Variants in ADAM32 observed in about 807,000 individuals in gnomAD.
ADAM32 encodes ADAM metallopeptidase domain 32, also known as disintegrin and metalloproteinase domain-containing protein 32.
A neutral mutation model predicts 114.9 loss-of-function variants in ADAM32; 89 were observed. The ratio of observed to expected loss-of-function variants is 0.77; its 90% CI spans 0.65 to 0.92. The LOEUF (loss-of-function observed/expected upper bound fraction) is 0.92. Ranked by LOEUF, ADAM32 falls within the 40% of genes least tolerant of loss-of-function variation. ADAM32 has a pLI of 0.00. For synonymous variants in ADAM32, 285 were observed against 307.5 expected (o/e 0.93, Z 0.77); for missense variants, 870 against 932.8 (o/e 0.93, Z 0.88).
intron 17 of ADAM32, among the ~76,000 whole-genome samples, chr8:39,251,379 A>C (rs1000717022): frequency 1.9e-4 from 15 of 79,558 alleles, no homozygotes; most frequent in South Asian, 3.7e-4. Flanking sequence ...TTTTTGTTAC[A>C]AAAAAAAAAT....
At chr8:39,159,958 T>C (rs186400402) in intron 6 of ADAM32, among the ~76,000 whole-genome samples, 1 of 152,310 alleles carries the variant, frequency 6.6e-6, no homozygotes, top group Non-Finnish European at 1.5e-5. Context: ...AGCAGCTTTT[T>C]TCCCCCCTCA....
intron 11 of ADAM32, among the ~76,000 whole-genome samples, chr8:39,204,000 C>T (rs528435754): frequency 1.2e-4 from 18 of 152,258 alleles, no homozygotes; most frequent in East Asian, 3.9e-4. Flanking sequence ...CTGAGAGATC[C>T]GCTGTTAGTC....
At chr8:39,170,219 T>C (rs554348194) in intron 10 of ADAM32, among the ~76,000 whole-genome samples, 1 of 152,278 alleles carries the variant, frequency 6.6e-6, no homozygotes, top group East Asian at 1.9e-4. Flanking sequence ...ATATCATAAA[T>C]ACGCATGCTG....
intron 10 of ADAM32, among the ~76,000 whole-genome samples, chr8:39,179,981 G>A (rs933905077): frequency 1.3e-5 from 2 of 152,218 alleles, no homozygotes; most frequent in East Asian, 1.9e-4. Context: ...GCTTGCTCTC[G>A]GTGCCTCCTC....
At chr8:39,242,683 A>T (rs1464265476) in intron 16 of ADAM32, among the ~76,000 whole-genome samples, 3 of 152,186 alleles carry the variant, frequency 2.0e-5, no homozygotes, top group African/African-American at 7.2e-5. Flanking sequence ...TTCAGAATGA[A>T]ATTTGGCTGG....
At chr8:39,191,198 G>A (rs1370593480) in intron 11 of ADAM32, among the ~76,000 whole-genome samples, 1 of 152,200 alleles carries the variant, frequency 6.6e-6, no homozygotes, top group East Asian at 1.9e-4. Context: ...GTTGTGAATA[G>A]TGCTGCAATG....
In ADAM32 at chr8:39,284,893, TA is replaced by T; in HGVS notation, c.*97del. On this transcript the variant is annotated 3_prime_UTR_variant, in exon 25 of 25. Transcript: ENST00000379907. ...CCGTGGTCACAGCTGAAAGAAACAA[TA>T]AATTGAGTGTGGATCAATTTGCATG... is the stretch of plus-strand genomic sequence containing the variant. The T allele has an allele frequency of 2.0e-6, 3 of 1,503,938 alleles. No homozygotes were observed. Among genetic ancestry groups the T allele is most frequent in the East Asian group, 4.6e-5 (2 of 43,894 alleles). The allele number at this position is 1,503,938 out of a possible 1,614,324, so 93.2% of individuals were successfully genotyped here. A position where few individuals can be genotyped will look rare whatever the true frequency, so the allele number is the denominator to read the frequency against.
At position 39,142,069 on chromosome 8, in the gene ADAM32, T is replaced by C. The variant is rs572495485; in HGVS notation, c.201-5061T>C. Among the ~76,000 whole-genome samples the C allele has an allele frequency of 8.4e-4, 128 of 152,326 alleles. 1 individual carries two copies. The highest frequency in any genetic ancestry group is 3.0e-3 in the African/African-American group (124 of 41,570). The stretch of plus-strand genomic sequence containing the variant: ...CTTGGTAGATCTTCCTCCATCCCTT[T>C]ATTTTGAGCCTATGTGCATTTTTAA... On this transcript the variant is annotated intron_variant, in intron 3 of 24. Transcript: ENST00000379907.
At position 39,233,882 on chromosome 8, in the gene ADAM32, AT is replaced by A; in HGVS notation, c.1635-11del. ...TTCCTAATGTATAATAATCATATAT[AT>A]TTTTTATGTTTTCAGGAATCTTATA... is the stretch of plus-strand genomic sequence containing the variant. On this transcript the variant is annotated splice_polypyrimidine_tract_variant and intron_variant, in intron 15 of 24. Transcript: ENST00000379907. 1 of 1,411,594 alleles carries A rather than the reference AT, an allele frequency of 7.1e-7. No homozygotes were observed. Among genetic ancestry groups the A allele is most frequent in the Non-Finnish European group, 9.4e-7 (1 of 1,066,602 alleles). 87.4% of individuals were successfully genotyped at this position (1,411,594 alleles called of 1,614,324 possible).
At chr8:39,212,793 T>G (rs369757497) in intron 12 of ADAM32, among the ~76,000 whole-genome samples, 1 of 152,204 alleles carries the variant, frequency 6.6e-6, no homozygotes, top group African/African-American at 2.4e-5. Flanking sequence ...GGTCATATGA[T>G]ATGTGTATGT....
intron 11 of ADAM32, among the ~76,000 whole-genome samples, chr8:39,198,924 T>C (rs1439337221): frequency 6.6e-6 from 1 of 152,200 alleles, no homozygotes; most frequent in Non-Finnish European, 1.5e-5. Context: ...TTTGTTTTTT[T>C]CTTGTCTGAA....
intron 22 of ADAM32, among the ~76,000 whole-genome samples, chr8:39,280,921 T>C (rs1381013135): frequency 3.9e-5 from 6 of 151,948 alleles, no homozygotes; most frequent in Non-Finnish European, 7.4e-5. Flanking sequence ...TAGCTGGGAC[T>C]ACAGGCGCCC....
chr8:39,237,505 C>T (rs1412634729), intron 16 of ADAM32, among the ~76,000 whole-genome samples: 3 of 152,030 alleles, frequency 2.0e-5, no homozygotes, highest in Admixed American at 6.5e-5. Flanking sequence ...GCACCAGAGG[C>T]CTGGATATAC....
chr8:39,216,300 G>A (rs1808562518), intron 12 of ADAM32, among the ~76,000 whole-genome samples: 1 of 151,934 alleles, frequency 6.6e-6, no homozygotes, highest in Non-Finnish European at 1.5e-5. Flanking sequence ...TATAGGTGAA[G>A]TGTATTTATT....
chr8:39,179,192 G>T (rs1805699383), intron 10 of ADAM32, among the ~76,000 whole-genome samples: 1 of 152,074 alleles, frequency 6.6e-6, no homozygotes, highest in Admixed American at 6.6e-5. Flanking sequence ...CCCAGAGAGA[G>T]ATCAGAGTTC....
chr8:39,284,811 G>T lies in ADAM32; in HGVS notation c.*12G>T. On this transcript the variant is annotated 3_prime_UTR_variant, in exon 25 of 25. Transcript: ENST00000379907. Reference sequence around the variant, plus strand: ...TCCACAGTAACTAGTGATTCCTTCAGAAGGCAACGGATAACATCGAGAGTC... The same window carrying T: ...TCCACAGTAACTAGTGATTCCTTCATAAGGCAACGGATAACATCGAGAGTC... 6.2e-7 allele frequency: 1 copy of T among 1,613,660 alleles called. No individual in the cohort carries two copies. The highest frequency in any genetic ancestry group is 1.3e-5 in the African/African-American group (1 of 75,020).
At chr8:39,198,744 TTTTTTCTCTTCTCCTTTTC>T (rs201474244) in intron 11 of ADAM32, among the ~76,000 whole-genome samples, 2 of 152,192 alleles carry the variant, frequency 1.3e-5, no homozygotes, top group Non-Finnish European at 2.9e-5. Flanking sequence ...TTAACATTTT[TTTTTTCTCTTCTCCTTTTC>T]TTTTCTCTTC....
At chr8:39,150,599 A>G (rs1003493666) in intron 5 of ADAM32, among the ~76,000 whole-genome samples, 1 of 152,128 alleles carries the variant, frequency 6.6e-6, no homozygotes, top group Non-Finnish European at 1.5e-5. Flanking sequence ...GGAGTTTTCC[A>G]TTCTGTCAGG....
chr8:39,246,955 T>G (rs934488401), intron 17 of ADAM32, among the ~76,000 whole-genome samples: 1 of 152,200 alleles, frequency 6.6e-6, no homozygotes, highest in Non-Finnish European at 1.5e-5. Context: ...TCATATAGTA[T>G]GTAGCCTTTT....
Sources: gnomAD v4.1 joint callset for allele counts (sites outside exome capture counted in the v4.1 genomes callset) on GRCh38, gnomAD v4.1.1 for gene constraint, MANE v1.5 for transcripts, NCBI Gene and HGNC (gene_info 2026-07-23, HGNC 2026-07-21) for gene names.